The following WWOX variants were observed in gnomAD, a reference collection of about 807,000 sequenced individuals.
WWOX encodes WW domain containing oxidoreductase, also known as WW domain-containing oxidoreductase.
In WWOX, 69 loss-of-function variants were observed where a neutral mutation model predicts 46.2. The observed-to-expected ratio is 1.49, with a 90% confidence interval of 1.23 to 1.82. WWOX has a LOEUF of 1.82. WWOX is among the 40% of genes most tolerant of loss of function. The pLI is 0.00. For synonymous variants in WWOX, 359 were observed against 202.6 expected, an observed-to-expected ratio of 1.77 and a Z score of -6.56; for missense variants, 919 against 542.6, an observed-to-expected ratio of 1.69 and a Z score of -6.89.
intron 5 of WWOX, among the ~76,000 whole-genome samples, chr16:78,339,357 C>A (rs1202613438): frequency 1.2e-5 from 1 of 85,538 alleles, no homozygotes; most frequent in African/African-American, 5.0e-5. Flanking sequence ...ATCTCAGTTC[C>A]TTTTATTAGA....
intron 8 of WWOX, among the ~76,000 whole-genome samples, chr16:78,944,850 G>A (rs759176578): frequency 3.9e-5 from 6 of 151,988 alleles, no homozygotes; most frequent in African/African-American, 7.3e-5. Flanking sequence ...AATTCACCTG[G>A]GTCCAGAACA....
intron 8 of WWOX, among the ~76,000 whole-genome samples, chr16:78,629,132 T>A (rs1029957329): frequency 6.6e-6 from 1 of 152,186 alleles, no homozygotes; most frequent in Non-Finnish European, 1.5e-5. Flanking sequence ...TGAAAACTTT[T>A]CAAAGGGCAC....
chr16:78,443,432 T>G (rs1442680853), intron 8 of WWOX, among the ~76,000 whole-genome samples: 2 of 152,186 alleles, frequency 1.3e-5, no homozygotes, highest in East Asian at 1.9e-4. Flanking sequence ...GTTGCCTGTT[T>G]TACTGGCACC....
chr16:79,030,688 C>T (rs964916674), intron 8 of WWOX, among the ~76,000 whole-genome samples: 1 of 152,166 alleles, frequency 6.6e-6, no homozygotes, highest in African/African-American at 2.4e-5. Flanking sequence ...ATCTTGGGCT[C>T]ACCGCTGCTT....
intron 8 of WWOX, among the ~76,000 whole-genome samples, chr16:78,879,866 A>G (rs1456312345): frequency 3.3e-5 from 4 of 120,180 alleles, no homozygotes; most frequent in African/African-American, 1.2e-4. Flanking sequence ...AACAACAGCA[A>G]AACTCTGTCT....
At chr16:79,173,277 C>A (rs1468681187) in intron 8 of WWOX, among the ~76,000 whole-genome samples, 5 of 129,886 alleles carry the variant, frequency 3.8e-5, no homozygotes, top group Non-Finnish European at 8.1e-5. Flanking sequence ...GAAGGGAACC[C>A]TGCATGTCCA....
chr16:78,328,931 A>C (rs2151890372), intron 5 of WWOX, among the ~76,000 whole-genome samples: 1 of 151,706 alleles, frequency 6.6e-6, no homozygotes, highest in African/African-American at 2.4e-5. Context: ...GTGCGATCTC[A>C]GCTCACTGCA....
chr16:78,682,280 TTAA>T (rs1263093788), intron 8 of WWOX, among the ~76,000 whole-genome samples: 5 of 152,328 alleles, frequency 3.3e-5, no homozygotes, highest in Admixed American at 3.3e-4. Context: ...ACTAGTAAAC[TTAA>T]TAGTTTAAAA....
At chr16:78,151,042 A>AT (rs1289392521) in intron 4 of WWOX, among the ~76,000 whole-genome samples, 1 of 66,268 alleles carries the variant, frequency 1.5e-5, no homozygotes, top group Non-Finnish European at 3.1e-5. Flanking sequence ...TGTGCTCCAC[A>AT]ATTTTTTTTT....
At chr16:78,670,567 G>T (rs117030375) in intron 8 of WWOX, among the ~76,000 whole-genome samples, 3,654 of 152,156 alleles carry the variant, frequency 0.024, 50 homozygotes, top group East Asian at 0.065. Context: ...CCCAGGTTTG[G>T]ATTACAGATG....
intron 5 of WWOX, among the ~76,000 whole-genome samples, chr16:78,335,140 C>A (rs2080858413): frequency 6.6e-6 from 1 of 152,090 alleles, no homozygotes; most frequent in Non-Finnish European, 1.5e-5. Context: ...TTTTCTAAAA[C>A]TTTAAGTTCC....
At chr16:78,544,544 C>T (rs189106174) in intron 8 of WWOX, among the ~76,000 whole-genome samples, 2,207 of 152,118 alleles carry the variant, frequency 0.015, 33 homozygotes, top group Non-Finnish European at 0.018. Context: ...GCATCAAAGC[C>T]ATTTTTTAAC....
At chr16:78,435,605 G>A (rs1180782095) in intron 8 of WWOX, among the ~76,000 whole-genome samples, 1 of 152,104 alleles carries the variant, frequency 6.6e-6, no homozygotes, top group Non-Finnish European at 1.5e-5. Context: ...CTGTGGAGGG[G>A]CACTCATAGA....
intron 5 of WWOX, among the ~76,000 whole-genome samples, chr16:78,281,822 C>G (rs2079684340): frequency 6.6e-6 from 1 of 152,150 alleles, no homozygotes; most frequent in Non-Finnish European, 1.5e-5. Context: ...AGTTTGCCAA[C>G]CCCTGCTTAG....
chr16:78,456,696 TAAGACAGATTCTAAG>T (rs1220065193), intron 8 of WWOX, among the ~76,000 whole-genome samples: 1 of 152,254 alleles, frequency 6.6e-6, no homozygotes, highest in Non-Finnish European at 1.5e-5. Flanking sequence ...ACAAAGGATG[TAAGACAGATTCTAAG>T]AAGAGAAAAG....
intron 8 of WWOX, among the ~76,000 whole-genome samples, chr16:78,574,218 AC>A (rs1332967640): frequency 6.6e-6 from 1 of 152,234 alleles, no homozygotes; most frequent in African/African-American, 2.4e-5. Flanking sequence ...AAGTTGGTCA[AC>A]AAGATGGTGT....
At chr16:78,723,600 T>C (rs1384849851) in intron 8 of WWOX, among the ~76,000 whole-genome samples, 20 of 24,710 alleles carry the variant, frequency 8.1e-4, no homozygotes, top group African/African-American at 5.7e-3. Context: ...TTCTTTTCTT[T>C]TCTTTTCTTT....
intron 8 of WWOX, among the ~76,000 whole-genome samples, chr16:78,509,557 G>A (rs890270366): frequency 6.6e-6 from 1 of 152,016 alleles, no homozygotes; most frequent in African/African-American, 2.4e-5. Flanking sequence ...GTGTCTATAC[G>A]GTGGAGTATT....
intron 5 of WWOX, among the ~76,000 whole-genome samples, chr16:78,338,179 T>A (rs939270597): frequency 8.4e-6 from 1 of 119,600 alleles, no homozygotes; most frequent in Non-Finnish European, 2.0e-5. Context: ...AACAAACTTT[T>A]AAAAAAATTA....
Sources: allele counts gnomAD v4.1 joint callset (sites outside exome capture counted in the v4.1 genomes callset), GRCh38; gene constraint gnomAD v4.1.1; transcripts MANE v1.5; gene names NCBI Gene and HGNC (gene_info 2026-07-23, HGNC 2026-07-21).